Variants in ADK observed in about 807,000 individuals in gnomAD.
ADK encodes the protein adenosine kinase, also known as N6,N6-dimethyladenosine kinase.
A neutral mutation model predicts 44.7 loss-of-function variants in ADK; 24 were observed. The observed-to-expected ratio is 0.54, with a 90% CI of 0.39 to 0.76. The LOEUF (loss-of-function observed/expected upper bound fraction) is 0.76. Ranked by LOEUF, ADK falls within the 30% of genes least tolerant of loss-of-function variation. The pLI, the probability that ADK is intolerant of heterozygous loss-of-function variation, is 0.00. For synonymous variants in ADK, 128 were observed against 142.6 expected (o/e 0.90, Z 0.73); for missense variants, 321 against 425.1 (o/e 0.76, Z 2.15).
intron 1 of ADK, among the ~76,000 whole-genome samples, chr10:74,163,956 C>G (rs1293131664): frequency 1.3e-5 from 2 of 151,988 alleles, no homozygotes; most frequent in Admixed American, 1.3e-4. Context: ...ATTTTTAGTT[C>G]TTAGTTTTGT....
rs564549347 is a variant in ADK at position 74,565,642 on chromosome 10, G to A, written c.727-23640G>A. Among the ~76,000 whole-genome samples the A allele has an allele frequency of 2.0e-3, 299 of 147,812 alleles. 1 individual carries two copies. The highest frequency in any genetic ancestry group is 4.4e-3 in the African/African-American group (174 of 39,632). On this transcript the variant is annotated intron_variant, in intron 7 of 10. Transcript: ENST00000539909. Reference sequence around the variant, plus strand: ...CTGGGGAGGCTGAGGCAGGAGAATCGCTTGAACCCAGGAGGCAGAGGTTGC... The same window carrying A: ...CTGGGGAGGCTGAGGCAGGAGAATCACTTGAACCCAGGAGGCAGAGGTTGC...
At chr10:74,335,764 C>T (rs1277084607) in intron 4 of ADK, among the ~76,000 whole-genome samples, 3 of 152,144 alleles carry the variant, frequency 2.0e-5, no homozygotes, top group Non-Finnish European at 2.9e-5. Flanking sequence ...TTGTTTGTTT[C>T]TACTTCCCTA....
chr10:74,579,430 G>C (rs1851303861), intron 7 of ADK, among the ~76,000 whole-genome samples: 1 of 152,108 alleles, frequency 6.6e-6, no homozygotes, highest in African/African-American at 2.4e-5. Context: ...ATGTACTGGA[G>C]TAAGAGTGGC....
chr10:74,389,931 C>G (rs1222136665), intron 4 of ADK, among the ~76,000 whole-genome samples: 1 of 152,066 alleles, frequency 6.6e-6, no homozygotes, highest in African/African-American at 2.4e-5. Context: ...GTAGTTTGAA[C>G]ATGTAGACTC....
intron 10 of ADK, among the ~76,000 whole-genome samples, chr10:74,695,488 G>C (rs950135930): frequency 6.6e-6 from 1 of 151,824 alleles, no homozygotes; most frequent in African/African-American, 2.4e-5. Context: ...GTGTGTGTGT[G>C]TGTGTGTGTA....
At chr10:74,331,514 T>A (rs1478534519) in intron 4 of ADK, among the ~76,000 whole-genome samples, 1 of 152,220 alleles carries the variant, frequency 6.6e-6, no homozygotes, top group Non-Finnish European at 1.5e-5. Context: ...GACGGAGTTT[T>A]GCCTTTTTAC....
intron 7 of ADK, among the ~76,000 whole-genome samples, chr10:74,565,573 C>A (rs773560517): frequency 2.6e-5 from 4 of 151,244 alleles, no homozygotes; most frequent in Non-Finnish European, 5.9e-5. Context: ...ACTAAAAATA[C>A]AAAATTAGCT....
intron 1 of ADK, among the ~76,000 whole-genome samples, chr10:74,183,907 A>T (rs1842650711): frequency 6.6e-6 from 1 of 151,532 alleles, no homozygotes; most frequent in Non-Finnish European, 1.5e-5. Flanking sequence ...CTGGTCTGAG[A>T]TTATTTTATT....
At chr10:74,195,902 C>G (rs1004634911) in intron 1 of ADK, among the ~76,000 whole-genome samples, 3 of 151,522 alleles carry the variant, frequency 2.0e-5, no homozygotes, top group African/African-American at 7.3e-5. Context: ...GTCTTGAACT[C>G]CTGTGCAGAG....
chr10:74,352,987 G>T (rs182205079), intron 4 of ADK, among the ~76,000 whole-genome samples: 1 of 152,264 alleles, frequency 6.6e-6, no homozygotes, highest in African/African-American at 2.4e-5. Context: ...TAGTTCAACC[G>T]CTGTAGAAGA....
At chr10:74,484,653 G>A (rs1847201685) in intron 6 of ADK, among the ~76,000 whole-genome samples, 1 of 152,066 alleles carries the variant, frequency 6.6e-6, no homozygotes, top group Admixed American at 6.6e-5. Flanking sequence ...TCCTGAAGAG[G>A]GACAACAAAG....
chr10:74,212,748 G>A (rs1452460470), intron 2 of ADK, among the ~76,000 whole-genome samples: 1 of 152,194 alleles, frequency 6.6e-6, no homozygotes, highest in Non-Finnish European at 1.5e-5. Flanking sequence ...GTCTGTAGTG[G>A]ATCAATAGAT....
At chr10:74,159,137 C>G (rs1030137120) in intron 1 of ADK, among the ~76,000 whole-genome samples, 39 of 152,342 alleles carry the variant, frequency 2.6e-4, no homozygotes, top group African/African-American at 9.1e-4. Context: ...GGTTCATACA[C>G]TTCAGATCTA....
chr10:74,399,105 A>G (rs1195506486), intron 6 of ADK, among the ~76,000 whole-genome samples: 1 of 151,934 alleles, frequency 6.6e-6, no homozygotes, highest in African/African-American at 2.4e-5. Flanking sequence ...AATTTGAATT[A>G]TTAAGTCTTC....
intron 4 of ADK, among the ~76,000 whole-genome samples, chr10:74,326,027 G>A (rs1403755096): frequency 6.6e-6 from 1 of 152,050 alleles, no homozygotes; most frequent in Non-Finnish European, 1.5e-5. Flanking sequence ...GTAGAGAGGG[G>A]TTTCACCATG....
chr10:74,397,383 C>A (rs1456900500), intron 5 of ADK, among the ~76,000 whole-genome samples: 1 of 151,318 alleles, frequency 6.6e-6, no homozygotes, highest in East Asian at 1.9e-4. Context: ...ATAACTGTTA[C>A]AATTTAATTA....
At chr10:74,306,858 G>A (rs534976160) in intron 3 of ADK, among the ~76,000 whole-genome samples, 2 of 152,232 alleles carry the variant, frequency 1.3e-5, no homozygotes, top group African/African-American at 2.4e-5. Flanking sequence ...AGGTTTCCAG[G>A]TTAATGCAGA....
rs149974921 is a variant in ADK at position 74,490,800 on chromosome 10, A to T, written c.556-34456A>T. Among the ~76,000 whole-genome samples the T allele has an allele frequency of 5.1e-3, 776 of 152,236 alleles. 11 individuals are homozygous for T. The highest frequency in any genetic ancestry group is 0.017 in the African/African-American group (723 of 41,546). ...GTAGAATTGAACAAGATGTTTGCAG[A>T]AGCTTCCTCTAGTTTGAAAATTGTA... On this transcript the variant is annotated intron_variant, in intron 6 of 10. Transcript: ENST00000539909.
chr10:74,234,153 T>C (rs1844878877), intron 3 of ADK, among the ~76,000 whole-genome samples: 1 of 152,224 alleles, frequency 6.6e-6, no homozygotes, highest in Non-Finnish European at 1.5e-5. Flanking sequence ...TGATATAGAC[T>C]TGGGGGTCTT....
Sources: gnomAD v4.1 joint callset for allele counts (sites outside exome capture counted in the v4.1 genomes callset) on GRCh38, gnomAD v4.1.1 for gene constraint, MANE v1.5 for transcripts, NCBI Gene and HGNC (gene_info 2026-07-23, HGNC 2026-07-21) for gene names.